MEIKIN: variants seen among roughly 807,000 people sequenced by gnomAD.
MEIKIN encodes the protein meiotic kinetochore factor, also known as meiosis-specific kinetochore protein.
intron 4 of MEIKIN, among the ~76,000 whole-genome samples, chr5:131,937,164 ATTGAT>A (rs964579915): frequency 1.2e-4 from 19 of 152,180 alleles, no homozygotes; most frequent in African/African-American, 4.1e-4. Context: ...TTTCTTCCTT[ATTGAT>A]TTATTTCCTG....
intron 9 of MEIKIN, among the ~76,000 whole-genome samples, chr5:131,870,465 A>G (rs907405542): frequency 6.6e-6 from 1 of 152,100 alleles, no homozygotes; most frequent in Non-Finnish European, 1.5e-5. Context: ...TCCTTACTCT[A>G]TAGATACTAT....
chr5:131,903,676 A>C (rs940601930), intron 8 of MEIKIN, among the ~76,000 whole-genome samples: 1 of 152,220 alleles, frequency 6.6e-6, no homozygotes, highest in African/African-American at 2.4e-5. Flanking sequence ...CAGCCACTAC[A>C]AAAAACACAC....
At chr5:131,871,457 C>T (rs1750496842) in intron 9 of MEIKIN, among the ~76,000 whole-genome samples, 2 of 152,214 alleles carry the variant, frequency 1.3e-5, no homozygotes, top group South Asian at 4.1e-4. Flanking sequence ...GGGAGGGGCG[C>T]CCGCCATTCC....
chr5:131,891,945 T>G (rs1050990406), intron 8 of MEIKIN, among the ~76,000 whole-genome samples: 9 of 152,210 alleles, frequency 5.9e-5, no homozygotes, highest in African/African-American at 1.7e-4. Context: ...TGCTTGTCTG[T>G]AAAGGATTTT....
At chr5:131,908,675 G>A in intron 8 of MEIKIN, among the ~76,000 whole-genome samples, 1 of 151,978 alleles carries the variant, frequency 6.6e-6, no homozygotes, top group East Asian at 1.9e-4. Context: ...ATACTTAAAA[G>A]AAAAACTAAA....
intron 9 of MEIKIN, among the ~76,000 whole-genome samples, chr5:131,871,556 G>A (rs965296408): frequency 1.3e-5 from 2 of 152,218 alleles, no homozygotes; most frequent in Admixed American, 6.5e-5. Context: ...GCCTCTGTAG[G>A]CTCCACCTCT....
chr5:131,940,098 G>T (rs746103442), intron 4 of MEIKIN, among the ~76,000 whole-genome samples: 28 of 152,184 alleles, frequency 1.8e-4, no homozygotes, highest in Non-Finnish European at 2.9e-4. Context: ...TTACACTGTG[G>T]TTTTAAGTCT....
At chr5:131,945,132 G>C (rs994971363) in intron 2 of MEIKIN, 24 bp downstream of exon 2, 9 of 398,982 alleles carry the variant, frequency 2.3e-5, no homozygotes, top group Middle Eastern at 6.2e-4. Context: ...AGCTAGGATC[G>C]GGCTGTTACT....
At position 131,893,197 on chromosome 5, in the gene MEIKIN, T is replaced by C. The variant is rs1464773309; in HGVS notation, c.704-14149A>G. On this transcript the variant is annotated intron_variant, in intron 8 of 12. Transcript: ENST00000442687. ...GTGCCCTGTCCCCAGAGGTGGAGCC[T>C]ACAGAGGCAGGCAGGCCTCCTTGAG... Among the ~76,000 whole-genome samples the C allele has an allele frequency of 2.0e-5, 3 of 152,216 alleles. No individual in the cohort carries two copies. The East Asian group carries it at 5.8e-4, about 29-fold the overall frequency.
At chr5:131,930,522 T>C (rs1045008682) in intron 5 of MEIKIN, among the ~76,000 whole-genome samples, 8 of 152,246 alleles carry the variant, frequency 5.3e-5, no homozygotes, top group African/African-American at 1.9e-4. Flanking sequence ...TTTGTTTTTC[T>C]TGCAATTGCT....
intron 11 of MEIKIN, among the ~76,000 whole-genome samples, chr5:131,843,878 A>T (rs1237262631): frequency 6.6e-6 from 1 of 152,170 alleles, no homozygotes; most frequent in East Asian, 1.9e-4. Context: ...CATTTCTCTG[A>T]TATCAATTTT....
At chr5:131,849,321 A>T (rs968299595) in intron 11 of MEIKIN, among the ~76,000 whole-genome samples, 1 of 151,474 alleles carries the variant, frequency 6.6e-6, no homozygotes, top group Non-Finnish European at 1.5e-5. Context: ...GCCATGTAAG[A>T]TGCCTTGCTC....
In MEIKIN at chr5:131,875,052, A is replaced by C. The variant is rs563778296; in HGVS notation, c.774+3926T>G. Among the ~76,000 whole-genome samples the C allele has an allele frequency of 5.4e-3, 826 of 152,326 alleles. 12 individuals carry two copies. Among genetic ancestry groups the C allele is most frequent in the African/African-American group, 0.019 (801 of 41,588 alleles). ...AGCCAATATCATACTGAATGGCCAA[A>C]AACTGGAAGCATTCCCTTTGAAAAC... On this transcript the variant is annotated intron_variant, in intron 9 of 12. Coordinates refer to ENST00000442687, the MANE Select transcript of MEIKIN (RefSeq NM_001303622.2).
chr5:131,892,197 G>C (rs977384404), intron 8 of MEIKIN, among the ~76,000 whole-genome samples: 2 of 152,054 alleles, frequency 1.3e-5, no homozygotes, highest in African/African-American at 4.8e-5. Flanking sequence ...ATGTGTCTTG[G>C]ATTTGCTCTT....
chr5:131,869,217 C>G (rs1360053319), intron 9 of MEIKIN, among the ~76,000 whole-genome samples: 1 of 152,188 alleles, frequency 6.6e-6, no homozygotes, highest in Non-Finnish European at 1.5e-5. Flanking sequence ...TATTCAAGCA[C>G]CATTTGTAGA....
rs186149052 is a variant in MEIKIN, at chr5:131,896,658, T to C, written c.703+15157A>G. On this transcript the variant is annotated intron_variant, in intron 8 of 12. Coordinates refer to ENST00000442687, the MANE Select transcript of MEIKIN (RefSeq NM_001303622.2). ...TAATGGCCTTCTTTGTGTCTTTTGA[T>C]CTTTGTTGGTTTAAAGTCTGTGTTA... Among the ~76,000 whole-genome samples the C allele has an allele frequency of 1.3e-5, 2 of 152,318 alleles. 1 individual carries two copies. The highest frequency in any genetic ancestry group is 1.3e-4 in the Admixed American group (2 of 15,290).
intron 11 of MEIKIN, among the ~76,000 whole-genome samples, chr5:131,831,652 G>A (rs764495736): frequency 6.6e-6 from 1 of 152,136 alleles, no homozygotes; most frequent in Non-Finnish European, 1.5e-5. Context: ...GATTGTAACT[G>A]TATTAGTCTG....
At chr5:131,871,708 G>T (rs1480367519) in intron 9 of MEIKIN, among the ~76,000 whole-genome samples, 16 of 152,182 alleles carry the variant, frequency 1.1e-4, no homozygotes, top group Non-Finnish European at 2.1e-4. Context: ...TCCTCAAGTG[G>T]GTCCCTGACC....
At chr5:131,881,199 CA>C (rs1176899764) in intron 8 of MEIKIN, among the ~76,000 whole-genome samples, 1 of 152,162 alleles carries the variant, frequency 6.6e-6, no homozygotes, top group Non-Finnish European at 1.5e-5. Context: ...ATCTGTTAAC[CA>C]ACATGGAGGA....
Sources: allele counts gnomAD v4.1 joint callset (sites outside exome capture counted in the v4.1 genomes callset), GRCh38; gene constraint gnomAD v4.1.1; transcripts MANE v1.5; gene names NCBI Gene and HGNC (gene_info 2026-07-23, HGNC 2026-07-21).